Variants in CSRP2 observed in about 807,000 individuals in gnomAD.
The protein encoded by CSRP2 is cysteine and glycine-rich protein 2.
In CSRP2, 18 loss-of-function variants were observed where a neutral mutation model predicts 24.6. The ratio of observed to expected loss-of-function variants is 0.73; its 90% CI spans 0.51 to 1.09. The LOEUF (loss-of-function observed/expected upper bound fraction) is 1.09. Ranked by LOEUF, CSRP2 falls within the 50% of genes least tolerant of loss-of-function variation. The pLI, the probability that CSRP2 is intolerant of heterozygous loss-of-function variation, is 0.00. For missense variants in CSRP2, 215 were observed against 239.4 expected, an observed-to-expected ratio of 0.90 and a Z score of 0.67; for synonymous variants, 87 against 84.3, an observed-to-expected ratio of 1.03 and a Z score of -0.18.
intron 1 of CSRP2, among the ~76,000 whole-genome samples, chr12:76,872,405 T>C (rs1953808548): frequency 6.6e-6 from 1 of 152,054 alleles, no homozygotes; most frequent in African/African-American, 2.4e-5. Flanking sequence ...CCTTGGGAAG[T>C]TTTCATTTTT....
At chr12:76,876,711 C>A (rs1254192236) in intron 1 of CSRP2, among the ~76,000 whole-genome samples, 1 of 152,196 alleles carries the variant, frequency 6.6e-6, no homozygotes, top group Non-Finnish European at 1.5e-5. Flanking sequence ...TTGAGGAAAC[C>A]TGTGAACATC....
At chr12:76,864,881 G>A (rs1953719813) in intron 2 of CSRP2, 1 of 152,188 alleles carries the variant, frequency 6.6e-6, no homozygotes, top group Admixed American at 6.5e-5. Context: ...ATGCACTGCT[G>A]AAGGACAACT....
At chr12:76,869,924 T>C (rs957453120) in intron 1 of CSRP2, among the ~76,000 whole-genome samples, 2 of 152,206 alleles carry the variant, frequency 1.3e-5, no homozygotes, top group Non-Finnish European at 1.5e-5. Flanking sequence ...AAACTGACCT[T>C]GCCCCTTGCC....
rs983261154 is a variant in CSRP2 at position 76,878,984 on chromosome 12, T to G, written c.-48A>C. ...GTACCGCAGGCGGAGCTAGCGAGGCTGGGCTGGAGGGAGGGTCCAGGGAGT... is the reference window on the plus strand; with the variant it reads ...GTACCGCAGGCGGAGCTAGCGAGGCGGGGCTGGAGGGAGGGTCCAGGGAGT... On this transcript the variant is annotated 5_prime_UTR_variant, in exon 1 of 6. Coordinates refer to ENST00000311083, the MANE Select transcript of CSRP2 (RefSeq NM_001321.3). 1 of 151,974 alleles carries G rather than the reference T, an allele frequency of 6.6e-6. No homozygotes were observed. The highest frequency in any genetic ancestry group is 2.4e-5 in the African/African-American group (1 of 41,326). 9.4% of individuals were successfully genotyped at this position (151,974 alleles called of 1,614,324 possible).
chr12:76,878,592 G>T (rs1312831754), intron 1 of CSRP2, among the ~76,000 whole-genome samples: 1 of 152,252 alleles, frequency 6.6e-6, no homozygotes, highest in Non-Finnish European at 1.5e-5. Flanking sequence ...CGGATTAGCA[G>T]AAACGCGAAA....
intron 1 of CSRP2, among the ~76,000 whole-genome samples, chr12:76,875,062 T>C (rs531937913): frequency 2.4e-4 from 36 of 152,162 alleles, no homozygotes; most frequent in Admixed American, 4.6e-4. Flanking sequence ...AAAACTCCCA[T>C]ATCTGACAGG....
At chr12:76,863,428 C>T (rs1953704953) in intron 2 of CSRP2, 84 bp from the exon 3 acceptor site, 3 of 1,401,538 alleles carry the variant, frequency 2.1e-6, no homozygotes, top group South Asian at 1.3e-5. Context: ...ACATGGCCTA[C>T]AAATGGTGAA....
At chr12:76,860,441 G>T in intron 3 of CSRP2, 28 bp from the exon 4 acceptor site, 1 of 1,609,988 alleles carries the variant, frequency 6.2e-7, no homozygotes. Context: ...AAAAAAGTAG[G>T]CAAGAGTTTC....
At chr12:76,862,809 C>T (rs1467957467) in intron 3 of CSRP2, 5 of 1,469,596 alleles carry the variant, frequency 3.4e-6, no homozygotes, top group Non-Finnish European at 3.6e-6. Context: ...TGGCTGCTTA[C>T]ATTGCACATG....
rs57542492 is a variant in CSRP2 at position 76,869,529 on chromosome 12, AACACACACACAC to A, written c.-1-3280_-1-3269del. On this transcript the variant is annotated intron_variant, in intron 1 of 5. Coordinates refer to ENST00000311083, the MANE Select transcript of CSRP2 (RefSeq NM_001321.3). ...GGAGCTCCTGTTCCTTAAAACAAAC[AACACACACACAC>A]ACACACACACACACACACACACACA... 3.0e-3 allele frequency among the ~76,000 whole-genome samples: 403 copies of A among 135,420 alleles called. 2 individuals carry two copies. Among genetic ancestry groups the A allele is most frequent in the South Asian group, 6.2e-3 (24 of 3,852 alleles). The allele number at this position is 135,420 out of a possible 152,430, so 88.8% of individuals were successfully genotyped here.
chr12:76,863,182 G>T lies in CSRP2; in HGVS notation c.275C>A (p.Pro92Gln), dbSNP rs200195116. The T allele has an allele frequency of 1.9e-6, 3 of 1,612,384 alleles. No homozygotes were observed. The South Asian group carries it at 3.3e-5, about 18-fold the overall frequency. Reference sequence around the variant, plus strand: ...CAACGGTCTCCCAACTCACCTCTCTGGTTTGATGCCCAGCCTCTCGCCACG... The same window carrying T: ...CAACGGTCTCCCAACTCACCTCTCTTGTTTGATGCCCAGCCTCTCGCCACG... ...MDRGERLGIK[P>Q]ESVQPHRPTT... The change falls in exon 3 of 6, where the codon CCA (proline) becomes CAA (glutamine). Residue 92 changes from proline to glutamine, a missense_variant. Coordinates refer to ENST00000311083, the MANE Select transcript of CSRP2 (RefSeq NM_001321.3).
chr12:76,869,578 A>ACACACACC (rs1420575005), intron 1 of CSRP2, among the ~76,000 whole-genome samples: 22 of 138,988 alleles, frequency 1.6e-4, no homozygotes, highest in South Asian at 2.3e-4. Flanking sequence ...ACACACACAC[A>ACACACACC]CCCCTGACTG....
chr12:76,859,669 TGA>T, intron 4 of CSRP2, 29 bp from the exon 5 acceptor site: 3 of 1,539,590 alleles, frequency 1.9e-6, no homozygotes, highest in Non-Finnish European at 2.7e-6. Flanking sequence ...TCAGCATGTT[TGA>T]GAGGCCTGTT....
chr12:76,862,677 C>A, intron 3 of CSRP2: 1 of 1,164,500 alleles, frequency 8.6e-7, no homozygotes, highest in South Asian at 2.5e-5. Context: ...TTTAACACTA[C>A]TCTCTCAAAG....
rs1953646068 is a variant in CSRP2 at position 76,858,894 on chromosome 12, C to T, written c.*58G>A. ...ACAGTAGTTTAGTGTTAAAGATTAT[C>T]TGTGCCTAGATTATGAAGAGATTCT... is the stretch of plus-strand genomic sequence containing the variant. On this transcript the variant is annotated 3_prime_UTR_variant, in exon 6 of 6. Transcript: ENST00000311083. 2 of 1,442,726 alleles carry T rather than the reference C, an allele frequency of 1.4e-6. No individual in the cohort carries two copies. The allele number at this position is 1,442,726 out of a possible 1,614,324, so 89.4% of individuals were successfully genotyped here.
intron 4 of CSRP2, 86 bp from the exon 5 acceptor site, chr12:76,859,726 G>T: frequency 1.0e-6 from 1 of 988,780 alleles, no homozygotes; most frequent in South Asian, 1.6e-5. Flanking sequence ...GGCTCAGGAT[G>T]ATCATCTCAA....
chr12:76,867,247 C>T (rs1011877854), intron 1 of CSRP2, among the ~76,000 whole-genome samples: 42 of 148,390 alleles, frequency 2.8e-4, no homozygotes, highest in African/African-American at 1.0e-3. Flanking sequence ...CCAGCACTTT[C>T]GGAGGCCGAG....
Position 76,858,949 on chromosome 12 carries a change from A to G in CSRP2, c.*3T>C, listed in dbSNP as rs368010022. The G allele has an allele frequency of 5.5e-5, 88 of 1,613,668 alleles. No individual in the cohort carries two copies. Among genetic ancestry groups the G allele is most frequent in the Admixed American group, 3.0e-4 (18 of 60,008 alleles). On this transcript the variant is annotated 3_prime_UTR_variant, in exon 6 of 6. Transcript: ENST00000311083. ...GTGTGATGTTTAGTTCAGGGTTTAC[A>G]TCTTACTGGGCATGAACAAGAGCCC...
chr12:76,862,734 G>A, intron 3 of CSRP2: 1 of 1,317,306 alleles, frequency 7.6e-7, no homozygotes, highest in Non-Finnish European at 9.7e-7. Context: ...AAAATTTTAA[G>A]TTAGAGAAAA....
Sources: allele counts gnomAD v4.1 joint callset (sites outside exome capture counted in the v4.1 genomes callset), GRCh38; gene constraint gnomAD v4.1.1; transcripts MANE v1.5; gene names NCBI Gene and HGNC (gene_info 2026-07-23, HGNC 2026-07-21).